The following UNC5D variants were observed in gnomAD, a reference collection of about 807,000 sequenced individuals.
UNC5D encodes unc-5 netrin receptor D.
In UNC5D, 39 loss-of-function variants were observed where a neutral mutation model predicts 105.4. The observed-to-expected ratio is 0.37, with a 90% CI of 0.29 to 0.48. The LOEUF is 0.48. Among genes scored for constraint, UNC5D ranks in the 20% least tolerant of loss-of-function variants. The pLI, the probability that UNC5D is intolerant of heterozygous loss-of-function variation, is 0.98. For synonymous variants in UNC5D, 452 were observed against 450.4 expected (o/e 1.00, Z -0.04); for missense variants, 991 against 1,202.4 (o/e 0.82, Z 2.60).
chr8:35,602,542 C>A (rs562753578), intron 4 of UNC5D, among the ~76,000 whole-genome samples: 2 of 152,120 alleles, frequency 1.3e-5, no homozygotes, highest in Admixed American at 1.3e-4. Context: ...GCGTATGTGT[C>A]GAGGAATTTA....
chr8:35,365,505 G>A (rs1802061855), intron 1 of UNC5D, among the ~76,000 whole-genome samples: 1 of 143,448 alleles, frequency 7.0e-6, no homozygotes. Flanking sequence ...AACATGTACT[G>A]CCACACAGTT....
rs186681679 is a variant in UNC5D, at chr8:35,270,593, G to C, written c.103+34706G>C. 1.9e-3 allele frequency among the ~76,000 whole-genome samples: 293 copies of C among 152,282 alleles called. 1 individual carries two copies. Among genetic ancestry groups the C allele is most frequent in the Middle Eastern group, 6.8e-3 (2 of 294 alleles). ...AGTGATTATGACAAATTGATAGACT[G>C]TATGTGTCATTATCGTTATAGTCAT... On this transcript the variant is annotated intron_variant, in intron 1 of 16. Coordinates refer to ENST00000404895, the MANE Select transcript of UNC5D (RefSeq NM_080872.4).
chr8:35,640,877 A>G (rs1022903977), intron 4 of UNC5D, among the ~76,000 whole-genome samples: 3 of 152,064 alleles, frequency 2.0e-5, no homozygotes, highest in African/African-American at 4.8e-5. Flanking sequence ...AGTTTTCTTC[A>G]GTCATTTAAA....
At chr8:35,268,097 TA>T (rs1805016154) in intron 1 of UNC5D, among the ~76,000 whole-genome samples, 2 of 152,230 alleles carry the variant, frequency 1.3e-5, no homozygotes, top group African/African-American at 4.8e-5. Flanking sequence ...TTGTTTCCTA[TA>T]AATTCCCATA....
At chr8:35,638,202 G>A (rs761245801) in intron 4 of UNC5D, among the ~76,000 whole-genome samples, 52 of 152,104 alleles carry the variant, frequency 3.4e-4, no homozygotes, top group Non-Finnish European at 6.5e-4. Flanking sequence ...ACAAACACTT[G>A]TCTCATAGTG....
intron 1 of UNC5D, among the ~76,000 whole-genome samples, chr8:35,430,696 G>A (rs971349526): frequency 1.3e-5 from 2 of 152,034 alleles, no homozygotes; most frequent in Admixed American, 1.3e-4. Context: ...CTTGGTGGGT[G>A]GGGGAAAAAC....
intron 1 of UNC5D, among the ~76,000 whole-genome samples, chr8:35,328,816 C>T (rs925892215): frequency 2.6e-5 from 4 of 152,148 alleles, no homozygotes; most frequent in African/African-American, 4.8e-5. Flanking sequence ...CACATATTAG[C>T]GTTGAGATGA....
At chr8:35,570,802 G>GA (rs1287401748) in intron 3 of UNC5D, among the ~76,000 whole-genome samples, 1 of 150,316 alleles carries the variant, frequency 6.7e-6, no homozygotes, top group Non-Finnish European at 1.5e-5. Context: ...GAAAAAAAAA[G>GA]AAAAAATTAG....
chr8:35,599,603 G>T (rs576707632), intron 4 of UNC5D, among the ~76,000 whole-genome samples: 1 of 152,118 alleles, frequency 6.6e-6, no homozygotes, highest in Non-Finnish European at 1.5e-5. Flanking sequence ...AATATTTAAG[G>T]TTATCCCAGG....
At chr8:35,241,636 C>CA (rs1802812764) in intron 1 of UNC5D, among the ~76,000 whole-genome samples, 1 of 145,488 alleles carries the variant, frequency 6.9e-6, no homozygotes, top group Admixed American at 6.9e-5. Flanking sequence ...ACCAGTCTCA[C>CA]TTTTTTTTTT....
At chr8:35,657,533 G>A (rs950827520) in intron 4 of UNC5D, among the ~76,000 whole-genome samples, 2 of 152,106 alleles carry the variant, frequency 1.3e-5, no homozygotes, top group African/African-American at 4.8e-5. Flanking sequence ...CTCTCAGGCT[G>A]GAGTGCAGTG....
intron 1 of UNC5D, among the ~76,000 whole-genome samples, chr8:35,455,393 C>T (rs903620379): frequency 6.6e-6 from 1 of 151,884 alleles, no homozygotes; most frequent in African/African-American, 2.4e-5. Context: ...ATTCTCATGC[C>T]TCAGCCTCCC....
intron 1 of UNC5D, among the ~76,000 whole-genome samples, chr8:35,536,612 G>T (rs565508270): frequency 1.3e-5 from 2 of 152,274 alleles, no homozygotes; most frequent in African/African-American, 4.8e-5. Flanking sequence ...TTGCATTTGG[G>T]ATAGTGAAAC....
chr8:35,518,605 AGT>A (rs1215482213), intron 1 of UNC5D, among the ~76,000 whole-genome samples: 1 of 152,110 alleles, frequency 6.6e-6, no homozygotes, highest in East Asian at 1.9e-4. Context: ...TATTGATTTC[AGT>A]TTTTCTCTGG....
chr8:35,726,367 T>C lies in UNC5D; in HGVS notation c.1519T>C (p.Ser507Pro). 6.2e-7 allele frequency: 1 copy of C among 1,614,094 alleles called. No homozygotes were observed. Among genetic ancestry groups the C allele is most frequent in the African/African-American group, 1.3e-5 (1 of 75,024 alleles). ...ERAEYHGKNHSRTFPHGNNHS... is the reference protein window; with the variant it reads ...ERAEYHGKNHPRTFPHGNNHS... Reference sequence around the variant, plus strand: ...AGCTGAGTACCACGGCAAGAATCATTCCAGGACTTTTCCCCATGGAAACAA... The same window carrying C: ...AGCTGAGTACCACGGCAAGAATCATCCCAGGACTTTTCCCCATGGAAACAA... Residue 507 changes from serine to proline, a missense_variant, in exon 10 of 17, where the codon TCC becomes CCC. Physicochemically the swap from Ser to Pro is moderately conservative, Grantham distance 74 (BLOSUM62 -1). Transcript: ENST00000404895.
chr8:35,595,725 C>G (rs1439967848), intron 4 of UNC5D, 68 bp downstream of exon 4: 1 of 1,427,848 alleles, frequency 7.0e-7, no homozygotes, highest in Non-Finnish European at 9.8e-7. Flanking sequence ...AGGGCGGAGT[C>G]CTGTGTGGCT....
chr8:35,344,352 C>T (rs1416460356), intron 1 of UNC5D, among the ~76,000 whole-genome samples: 1 of 151,994 alleles, frequency 6.6e-6, no homozygotes, highest in Non-Finnish European at 1.5e-5. Context: ...TCCATGATCT[C>T]CATGATTCTG....
At position 35,290,720 on chromosome 8, in the gene UNC5D, G is replaced by A. The variant is rs549810535; in HGVS notation, c.103+54833G>A. On this transcript the variant is annotated intron_variant, in intron 1 of 16. Coordinates refer to ENST00000404895, the MANE Select transcript of UNC5D (RefSeq NM_080872.4). ...TCCCAGCATTTTGGGAGGCCAAGGCGGGCGGATCACCTGAGGTCAGGAGTT... is the reference window on the plus strand; with the variant it reads ...TCCCAGCATTTTGGGAGGCCAAGGCAGGCGGATCACCTGAGGTCAGGAGTT... 5.9e-5 allele frequency among the ~76,000 whole-genome samples: 9 copies of A among 152,166 alleles called. No homozygotes were observed. In the South Asian group the frequency reaches 1.5e-3, roughly 25 times the overall value.
chr8:35,372,495 G>C (rs999139925), intron 1 of UNC5D, among the ~76,000 whole-genome samples: 1 of 152,152 alleles, frequency 6.6e-6, no homozygotes, highest in African/African-American at 2.4e-5. Flanking sequence ...CAGAGAAGCA[G>C]CTGGGCTTAT....
Sources: gnomAD v4.1 joint callset for allele counts (sites outside exome capture counted in the v4.1 genomes callset) on GRCh38, gnomAD v4.1.1 for gene constraint, MANE v1.5 for transcripts, NCBI Gene and HGNC (gene_info 2026-07-23, HGNC 2026-07-21) for gene names.